The following CARS2 variants were observed in gnomAD, a reference collection of about 807,000 sequenced individuals.
CARS2 encodes probable cysteine--tRNA ligase, mitochondrial.
Under a neutral mutation model 68.8 loss-of-function variants are expected in CARS2, and 52 were observed. The observed-to-expected ratio is 0.76, with a 90% confidence interval of 0.61 to 0.95. The LOEUF is 0.95. CARS2 is among the 40% of genes least tolerant of loss of function. CARS2 has a pLI of 0.00. For synonymous variants in CARS2, 314 were observed against 303.6 expected (o/e 1.03, Z -0.36); for missense variants, 780 against 754.2 (o/e 1.03, Z -0.40).
intron 9 of CARS2, among the ~76,000 whole-genome samples, chr13:110,660,070 G>C (rs573498302): frequency 2.0e-5 from 3 of 152,338 alleles, no homozygotes; most frequent in East Asian, 3.9e-4. Flanking sequence ...TTTCAACAAT[G>C]TCCACAGCAT....
intron 5 of CARS2, among the ~76,000 whole-genome samples, chr13:110,686,124 C>T (rs532571996): frequency 3.3e-5 from 5 of 152,036 alleles, no homozygotes; most frequent in East Asian, 1.9e-4. Context: ...AGAGGACACG[C>T]GAAGCTAGCC....
At chr13:110,704,207 T>C (rs1008037787) in intron 2 of CARS2, among the ~76,000 whole-genome samples, 1 of 152,266 alleles carries the variant, frequency 6.6e-6, no homozygotes, top group Non-Finnish European at 1.5e-5. Flanking sequence ...GATTTCTTTC[T>C]GTCTTTGCAG....
chr13:110,682,963 A>C (rs2063199923), intron 6 of CARS2, 88 bp downstream of exon 6: 7 of 776,114 alleles, frequency 9.0e-6, no homozygotes, highest in Non-Finnish European at 1.4e-5. Context: ...GAGCAAGTGG[A>C]GGGGTCTGCG....
chr13:110,687,693 A>T, intron 5 of CARS2, 28 bp downstream of exon 5: 2 of 668,598 alleles, frequency 3.0e-6, no homozygotes, highest in Non-Finnish European at 4.2e-6. Context: ...AAAAAAAAAG[A>T]AAAAAAAAAA....
Position 110,667,331 on chromosome 13 carries a change from A to C in CARS2, c.919+9T>G. 6.2e-7 allele frequency: 1 copy of C among 1,605,528 alleles called. No individual in the cohort carries two copies. The highest frequency in any genetic ancestry group is 8.5e-7 in the Non-Finnish European group (1 of 1,175,988). ...AAACAGAACAAATTAATCTGAAGTT[A>C]TTACTTACCAGAATGCAGAAAATAA... On this transcript the variant is annotated intron_variant, in intron 8 of 14. Coordinates refer to ENST00000257347, the MANE Select transcript of CARS2 (RefSeq NM_024537.4).
At chr13:110,666,782 A>T (rs1372586232) in intron 8 of CARS2, 2 of 985,354 alleles carry the variant, frequency 2.0e-6, no homozygotes, top group African/African-American at 3.5e-5. Context: ...TTAGCTGTCC[A>T]TCCCCAAAAG....
intron 7 of CARS2, among the ~76,000 whole-genome samples, chr13:110,669,711 C>T (rs1226830723): frequency 6.6e-6 from 1 of 152,032 alleles, no homozygotes; most frequent in African/African-American, 2.4e-5. Flanking sequence ...CACTGGGGCT[C>T]GTCAGACAGT....
At chr13:110,678,522 GC>G (rs1294567941) in intron 6 of CARS2, among the ~76,000 whole-genome samples, 1 of 152,198 alleles carries the variant, frequency 6.6e-6, no homozygotes, top group Non-Finnish European at 1.5e-5. Flanking sequence ...GACTGGACAG[GC>G]TACGTTTTCA....
chr13:110,710,307 G>A (rs915817364), upstream of CARS2, among the ~76,000 whole-genome samples: 1 of 152,088 alleles, frequency 6.6e-6, no homozygotes, highest in South Asian at 2.1e-4. Context: ...GCTTGAACCC[G>A]GGAGGCGGAG....
At chr13:110,706,212 TC>T, upstream of CARS2, 3 of 691,596 alleles carry the variant, frequency 4.3e-6, no homozygotes, top group South Asian at 6.8e-5. Context: ...CCACGCCCAC[TC>T]CCGGAAGCAG....
rs201439493 is a variant in CARS2, at chr13:110,687,709, C to G, written c.571+12G>C. On this transcript the variant is annotated intron_variant, in intron 5 of 14. Transcript: ENST00000257347. ...AAAAAAAAGAAAAAAAAAAAAAGAACATAAACCCTACCTTTTGCCGTTGAA... is the reference window on the plus strand; with the variant it reads ...AAAAAAAAGAAAAAAAAAAAAAGAAGATAAACCCTACCTTTTGCCGTTGAA... 2.4e-6 allele frequency: 3 copies of G among 1,253,380 alleles called. No homozygotes were observed. The highest frequency in any genetic ancestry group is 1.4e-5 in the South Asian group (1 of 70,334). 77.6% of individuals were successfully genotyped at this position (1,253,380 alleles called of 1,614,324 possible).
chr13:110,687,594 G>A (rs944189904), intron 5 of CARS2, 127 bp downstream of exon 5: 129 of 608,850 alleles, frequency 2.1e-4, no homozygotes, highest in East Asian at 1.3e-3. Flanking sequence ...CGGGAGAATC[G>A]CTTGAACCAG....
At chr13:110,682,671 A>G (rs2063189733) in intron 6 of CARS2, among the ~76,000 whole-genome samples, 1 of 152,246 alleles carries the variant, frequency 6.6e-6, no homozygotes, top group Non-Finnish European at 1.5e-5. Context: ...TTGGAAGTTT[A>G]ACACATAGTA....
exon 1 of CARS2, chr13:110,713,242 T>G (rs1441042): frequency 0.73 from 1,009,216 of 1,377,080 alleles, 370,820 homozygotes; most frequent in East Asian, 0.78. Flanking sequence ...CTTATACTGC[T>G]CTGTGGGGCG....
At chr13:110,712,930 G>T in intron 1 of CARS2, 1 of 1,556,768 alleles carries the variant, frequency 6.4e-7, no homozygotes, top group Admixed American at 1.9e-5. Context: ...TGGCGCAGGC[G>T]CGGGAGCCGC....
In CARS2 at chr13:110,706,073, G is replaced by A. The variant is rs938858276; in HGVS notation, c.21C>T (p.Gly7=). The A allele has an allele frequency of 6.7e-6, 9 of 1,342,578 alleles. No individual in the cohort carries two copies. The African/African-American group carries it at 1.4e-4, about 21-fold the overall frequency. The allele number at this position is 1,342,578 out of a possible 1,614,324, so 83.2% of individuals were successfully genotyped here. The change falls in exon 1 of 15, where the codon GGC becomes GGT. Residue 7 remains glycine (G), a synonymous_variant. Coordinates refer to ENST00000257347, the MANE Select transcript of CARS2 (RefSeq NM_024537.4). Reference sequence around the variant, plus strand: ...GGAGCAGCGGGGGGCCCAGGCCTGGGCCGCGCGTAGTCCTCAACATGTCAG... The same window carrying A: ...GGAGCAGCGGGGGGCCCAGGCCTGGACCGCGCGTAGTCCTCAACATGTCAG... MLRTTR[G]PGLGPPLLQA...
At chr13:110,689,660 G>A (rs1017259450) in intron 3 of CARS2, among the ~76,000 whole-genome samples, 7 of 152,086 alleles carry the variant, frequency 4.6e-5, no homozygotes, top group Non-Finnish European at 8.8e-5. Context: ...GTGTATATAC[G>A]GGCAGGACAG....
chr13:110,713,175 A>G, exon 1 of CARS2: 1 of 1,427,574 alleles, frequency 7.0e-7, no homozygotes, highest in Non-Finnish European at 9.1e-7. Context: ...TGGGCTGTCA[A>G]AGTGATGTTG....
At chr13:110,712,327 C>G (rs1002212533) in intron 1 of CARS2, 2 of 157,278 alleles carry the variant, frequency 1.3e-5, no homozygotes, top group East Asian at 1.9e-4. Context: ...GCAAATAGAG[C>G]AGGGTCCAAG....
Sources: allele counts gnomAD v4.1 joint callset (sites outside exome capture counted in the v4.1 genomes callset), GRCh38; gene constraint gnomAD v4.1.1; transcripts MANE v1.5; gene names NCBI Gene and HGNC (gene_info 2026-07-23, HGNC 2026-07-21).